The following KCNQ1 variants were observed in gnomAD, a reference collection of about 807,000 sequenced individuals.
The protein encoded by KCNQ1 is potassium voltage-gated channel subfamily Q member 1, also known as potassium voltage-gated channel subfamily KQT member 1.
In KCNQ1, 49 loss-of-function variants were observed where a neutral mutation model predicts 72.4. That is an observed-to-expected ratio of 0.68 (90% CI 0.54 to 0.86). The LOEUF (loss-of-function observed/expected upper bound fraction) is 0.86, where lower values mean the gene tolerates loss of function less well. Among genes scored for constraint, KCNQ1 ranks in the 40% least tolerant of loss-of-function variants. The pLI is 0.00. For missense variants in KCNQ1, 790 were observed against 945.1 expected (o/e 0.84, Z 2.15); for synonymous variants, 450 against 412.6 (o/e 1.09, Z -1.10).
At chr11:2,660,798 G>A in intron 10 of KCNQ1, 1 of 398,576 alleles carries the variant, frequency 2.5e-6, no homozygotes, top group Non-Finnish European at 4.4e-6. Context: ...AAGCAATCTA[G>A]CAACATTTAT....
Position 2,653,033 on chromosome 11 carries a change from A to G in KCNQ1, c.1394-8928A>G, listed in dbSNP as rs139000556. 2 of 398,534 alleles carry G rather than the reference A, an allele frequency of 5.0e-6. No individual in the cohort carries two copies. The highest frequency in any genetic ancestry group is 8.8e-6 in the Non-Finnish European group (2 of 226,086). The allele number at this position is 398,534 out of a possible 1,614,324, so 24.7% of individuals were successfully genotyped here. A position where few individuals can be genotyped will look rare whatever the true frequency, so the allele number is the denominator to read the frequency against. On this transcript the variant is annotated intron_variant, in intron 10 of 15. Transcript: ENST00000155840. The surrounding 1 kb of genome is among the most constrained non-coding windows in gnomAD (Gnocchi z 5.3). ...ATCTATTCTGCACACCTTTGATCCA[A>G]TGTGAGATCCAACATGTTCCATAAT...
chr11:2,510,877 GAC>G (rs1847189345), intron 1 of KCNQ1, among the ~76,000 whole-genome samples: 1 of 152,158 alleles, frequency 6.6e-6, no homozygotes, highest in African/African-American at 2.4e-5. Context: ...CCCTGGCCCA[GAC>G]CAGGCCATGC....
intron 15 of KCNQ1, among the ~76,000 whole-genome samples, chr11:2,799,311 A>G (rs1339931416): frequency 6.6e-6 from 1 of 152,138 alleles, no homozygotes; most frequent in Non-Finnish European, 1.5e-5. Context: ...TGTGGTGACA[A>G]CCAGCGCTCT....
Position 2,712,900 on chromosome 11 carries a change from C to T in KCNQ1, c.1514+50819C>T, listed in dbSNP as rs1339335761. 6.6e-6 allele frequency among the ~76,000 whole-genome samples: 1 copy of T among 152,154 alleles called. No homozygotes were observed. The highest frequency in any genetic ancestry group is 2.4e-5 in the African/African-American group (1 of 41,426). ...ATGGAAGGACTGCAGCCCCCGCCTC[C>T]CTCCAAGGCAGTTGTCAGAGCAAGA... On this transcript the variant is annotated intron_variant, in intron 11 of 15. Coordinates refer to ENST00000155840, the MANE Select transcript of KCNQ1 (RefSeq NM_000218.3). The surrounding 1 kb of genome is among the most constrained non-coding windows in gnomAD (Gnocchi z 6.4).
chr11:2,735,235 C>A lies in KCNQ1; in HGVS notation c.1515-33609C>A, dbSNP rs957157276. Reference sequence around the variant, plus strand: ...TCCTTGATGGTGACCCCCTATGAGACGCCACTTGCCCTGAGGCCCTGGGGG... The same window carrying A: ...TCCTTGATGGTGACCCCCTATGAGAAGCCACTTGCCCTGAGGCCCTGGGGG... On this transcript the variant is annotated intron_variant, in intron 11 of 15. Coordinates refer to ENST00000155840, the MANE Select transcript of KCNQ1 (RefSeq NM_000218.3). This position sits in a 1 kb window ranked among gnomAD's most constrained non-coding sequence, Gnocchi z 7.7. Among the ~76,000 whole-genome samples the A allele has an allele frequency of 6.6e-6, 1 of 152,138 alleles. No homozygotes were observed. The highest frequency in any genetic ancestry group is 1.5e-5 in the Non-Finnish European group (1 of 68,000).
intron 10 of KCNQ1, chr11:2,646,338 A>G: frequency 2.5e-6 from 1 of 398,614 alleles, no homozygotes. Context: ...ATCCATGAGC[A>G]TGGGATGTCT....
intron 6 of KCNQ1, among the ~76,000 whole-genome samples, chr11:2,577,302 G>A (rs1261154549): frequency 1.3e-5 from 2 of 152,188 alleles, no homozygotes; most frequent in Non-Finnish European, 2.9e-5. Flanking sequence ...TTCGCAGGTG[G>A]CCATGGGAAG....
chr11:2,721,462 C>T (rs540146346), intron 11 of KCNQ1, among the ~76,000 whole-genome samples: 3 of 152,378 alleles, frequency 2.0e-5, no homozygotes, highest in Admixed American at 6.5e-5. Context: ...CTGTCTCCAG[C>T]TCGCAAGAGG....
In KCNQ1 at chr11:2,623,058, C is replaced by T. The variant is rs1337703491; in HGVS notation, c.1393+34204C>T. The T allele has an allele frequency of 5.0e-6, 2 of 398,598 alleles. No homozygotes were observed. Among genetic ancestry groups the T allele is most frequent in the Non-Finnish European group, 8.8e-6 (2 of 226,130 alleles). The allele number at this position is 398,598 out of a possible 1,614,324, so 24.7% of individuals were successfully genotyped here. Reference sequence around the variant, plus strand: ...GGCCTGGTGGGGGGCAAACTTCCCCCTTGCTGTTCTCATGATAGTGAGTTC... The same window carrying T: ...GGCCTGGTGGGGGGCAAACTTCCCCTTTGCTGTTCTCATGATAGTGAGTTC... On this transcript the variant is annotated intron_variant, in intron 10 of 15. Transcript: ENST00000155840. The surrounding 1 kb of genome is among the most constrained non-coding windows in gnomAD (Gnocchi z 5.2).
intron 15 of KCNQ1, among the ~76,000 whole-genome samples, chr11:2,811,813 G>A (rs930593973): frequency 6.6e-6 from 1 of 152,198 alleles, no homozygotes; most frequent in South Asian, 2.1e-4. Context: ...AGGGGCCGGC[G>A]AAAGCCAGGC....
rs575360646 is a variant in KCNQ1 at position 2,830,944 on chromosome 11, C to T, written c.1795-16823C>T. Reference sequence around the variant, plus strand: ...CCGCAAGGGTACCCTTGGGAGACCCCGTGCAGGTCTTGTCAAGGCAGGACA... The same window carrying T: ...CCGCAAGGGTACCCTTGGGAGACCCTGTGCAGGTCTTGTCAAGGCAGGACA... On this transcript the variant is annotated intron_variant, in intron 15 of 15. Coordinates refer to ENST00000155840, the MANE Select transcript of KCNQ1 (RefSeq NM_000218.3). The surrounding 1 kb of genome is among the most constrained non-coding windows in gnomAD (Gnocchi z 7.7). 4.6e-4 allele frequency among the ~76,000 whole-genome samples: 70 copies of T among 152,326 alleles called. No individual in the cohort carries two copies. The highest frequency in any genetic ancestry group is 3.9e-4 in the East Asian group (2 of 5,180).
chr11:2,707,045 G>C (rs1850923523), intron 11 of KCNQ1, among the ~76,000 whole-genome samples: 1 of 152,182 alleles, frequency 6.6e-6, no homozygotes, highest in Non-Finnish European at 1.5e-5. Flanking sequence ...ATAAGGCTAA[G>C]GGCAGCACCC....
chr11:2,653,494 C>T lies in KCNQ1; in HGVS notation c.1394-8467C>T, dbSNP rs1422623778. 5.0e-6 allele frequency: 2 copies of T among 398,544 alleles called. No individual in the cohort carries two copies. The highest frequency in any genetic ancestry group is 2.1e-5 in the African/African-American group (1 of 48,594). 24.7% of individuals were successfully genotyped at this position (398,544 alleles called of 1,614,324 possible). On this transcript the variant is annotated intron_variant, in intron 10 of 15. Coordinates refer to ENST00000155840, the MANE Select transcript of KCNQ1 (RefSeq NM_000218.3). This position sits in a 1 kb window ranked among gnomAD's most constrained non-coding sequence, Gnocchi z 5.3. ...CAGCTGTTTCAGACACAGCTGGACC[C>T]CAGAGCTGAGATGATCTTGCTCACT...
intron 1 of KCNQ1, among the ~76,000 whole-genome samples, chr11:2,465,476 C>A (rs1589894886): frequency 6.6e-6 from 1 of 152,374 alleles, no homozygotes; most frequent in East Asian, 1.9e-4. Flanking sequence ...GGCTGAGACT[C>A]CTCTGAGCTC....
Position 2,563,673 on chromosome 11 carries a change from G to A in KCNQ1, c.478-6955G>A, listed in dbSNP as rs7101739. 0.21 allele frequency among the ~76,000 whole-genome samples: 31,669 copies of A among 152,194 alleles called. 3,604 individuals are homozygous for A. Among genetic ancestry groups the A allele is most frequent in the Middle Eastern group, 0.3 (87 of 294 alleles). On this transcript the variant is annotated intron_variant, in intron 2 of 15. Coordinates refer to ENST00000155840, the MANE Select transcript of KCNQ1 (RefSeq NM_000218.3). The surrounding 1 kb of genome is among the most constrained non-coding windows in gnomAD (Gnocchi z 7.4). Reference sequence around the variant, plus strand: ...GTCCCGTTGGCATCCAGGGCCCCCCGTGAAGGATGGCACCGAGCACCATTC... The same window carrying A: ...GTCCCGTTGGCATCCAGGGCCCCCCATGAAGGATGGCACCGAGCACCATTC...
At chr11:2,794,569 C>T (rs946057341) in intron 15 of KCNQ1, among the ~76,000 whole-genome samples, 42 of 152,272 alleles carry the variant, frequency 2.8e-4, no homozygotes, top group African/African-American at 8.4e-4. Flanking sequence ...GCCGGGCCCC[C>T]AAAGATGCTG....
intron 10 of KCNQ1, chr11:2,644,473 C>A (rs551038739): frequency 7.5e-6 from 3 of 398,136 alleles, no homozygotes; most frequent in Non-Finnish European, 1.3e-5. Flanking sequence ...ATTCATACCC[C>A]GAATTGTTTT....
chr11:2,669,979 C>T lies in KCNQ1; in HGVS notation c.1514+7898C>T. 2.5e-6 allele frequency: 1 copy of T among 398,686 alleles called. No homozygotes were observed. The highest frequency in any genetic ancestry group is 4.4e-6 in the Non-Finnish European group (1 of 226,168). The allele number at this position is 398,686 out of a possible 1,614,324, so 24.7% of individuals were successfully genotyped here. A position where few individuals can be genotyped will look rare whatever the true frequency, so the allele number is the denominator to read the frequency against. On this transcript the variant is annotated intron_variant, in intron 11 of 15. Coordinates refer to ENST00000155840, the MANE Select transcript of KCNQ1 (RefSeq NM_000218.3). This position sits in a 1 kb window ranked among gnomAD's most constrained non-coding sequence, Gnocchi z 5.6. ...AAGTCTAGAGGTCCCCAAGTCACAA[C>T]CTCAAATCTCGGAATGGGGTTCAGG...
chr11:2,797,946 T>A (rs1236866458), intron 15 of KCNQ1, among the ~76,000 whole-genome samples: 3 of 152,210 alleles, frequency 2.0e-5, no homozygotes, highest in Non-Finnish European at 4.4e-5. Flanking sequence ...CTCAGGGTCA[T>A]GGCCAACCCA....
Sources: allele counts gnomAD v4.1 joint callset (sites outside exome capture counted in the v4.1 genomes callset), GRCh38; gene constraint gnomAD v4.1.1; non-coding constraint Gnocchi (gnomAD v3.1); transcripts MANE v1.5; gene names NCBI Gene and HGNC (gene_info 2026-07-23, HGNC 2026-07-21).